VIRMA: variants seen among roughly 807,000 people sequenced by gnomAD.
The protein encoded by VIRMA is vir like m6A methyltransferase associated.
In VIRMA, 65 loss-of-function variants were observed where a neutral mutation model predicts 182.4. The ratio of observed to expected loss-of-function variants is 0.36; its 90% CI spans 0.29 to 0.44. The LOEUF is 0.44. VIRMA is among the 20% of genes least tolerant of loss of function. VIRMA has a pLI of 1.00. For synonymous variants in VIRMA, 709 were observed against 743.1 expected (o/e 0.95, Z 0.75); for missense variants, 1,752 against 2,158.1 (o/e 0.81, Z 3.73).
chr8:94,545,536 A>G (rs960742607), intron 1 of VIRMA, among the ~76,000 whole-genome samples: 4 of 152,220 alleles, frequency 2.6e-5, no homozygotes, highest in African/African-American at 9.6e-5. Flanking sequence ...AATGTCGACT[A>G]TGTTCCAAAG....
At position 94,526,418 on chromosome 8, in the gene VIRMA, A is replaced by T; in HGVS notation, c.1826T>A (p.Met609Lys). ...PEYENEVEAS[M>K]DMDLLESSNI... is the part of the protein sequence containing the mutation. The stretch of plus-strand genomic sequence containing the variant: ...TGAGGATTCCAAAAGATCCATATCC[A>T]TAGAAGCTTCCACCTCATTTTCATA... Residue 609 changes from methionine to lysine, a missense_variant, in exon 8 of 24, where the codon ATG (methionine) becomes AAG (lysine). Met to Lys is a moderately conservative substitution (Grantham distance 95, BLOSUM62 -1). Around this residue, in one of 11 missense-constraint regions of VIRMA, gnomAD observed 401 missense variants for 455.1 expected, o/e 0.88. Transcript: ENST00000297591. 6.2e-7 allele frequency: 1 copy of T among 1,613,910 alleles called. No individual in the cohort carries two copies. The highest frequency in any genetic ancestry group is 8.5e-7 in the Non-Finnish European group (1 of 1,179,956).
intron 17 of VIRMA, chr8:94,497,948 G>C (rs1813847750): frequency 6.6e-6 from 1 of 152,348 alleles, no homozygotes. Flanking sequence ...GGAAGTCAAG[G>C]CTGCAGTGAG....
At chr8:94,510,685 A>AT (rs1271874022) in intron 13 of VIRMA, 33 bp from the exon 14 acceptor site, 5 of 1,446,942 alleles carry the variant, frequency 3.5e-6, no homozygotes, top group Admixed American at 1.8e-5. Context: ...GTGTACGTAG[A>AT]TTTTTTAATA....
chr8:94,496,326 A>T lies in VIRMA; in HGVS notation c.4383+2T>A. Reference sequence around the variant, plus strand: ...AGAACGCTCTGTTTTTTTCTTTTTTACCAAAACAAGCTTCTCTAGTTCAAG... The same window carrying T: ...AGAACGCTCTGTTTTTTTCTTTTTTTCCAAAACAAGCTTCTCTAGTTCAAG... On this transcript the variant is annotated splice_donor_variant, in intron 18 of 23. Coordinates refer to ENST00000297591, the MANE Select transcript of VIRMA (RefSeq NM_015496.5). LOFTEE classifies it high-confidence loss of function. 2 of 1,604,002 alleles carry T rather than the reference A, an allele frequency of 1.2e-6. No homozygotes were observed. The highest frequency in any genetic ancestry group is 1.7e-6 in the Non-Finnish European group (2 of 1,177,508).
intron 4 of VIRMA, among the ~76,000 whole-genome samples, chr8:94,535,745 A>T (rs1354624064): frequency 6.6e-6 from 1 of 151,820 alleles, no homozygotes; most frequent in Non-Finnish European, 1.5e-5. Flanking sequence ...GCGCCACTGC[A>T]CACTCTAGCC....
chr8:94,526,886 A>G lies in VIRMA; in HGVS notation c.1358T>C (p.Val453Ala), dbSNP rs1488650756. 6.2e-7 allele frequency: 1 copy of G among 1,614,078 alleles called. No individual in the cohort carries two copies. The highest frequency in any genetic ancestry group is 8.5e-7 in the Non-Finnish European group (1 of 1,180,034). Residue 453 changes from valine to alanine, a missense_variant, in exon 8 of 24, where the codon GTT (valine) becomes GCT (alanine). This residue lies in a region of VIRMA where 401 missense variants were observed against 455.1 expected (regional missense o/e 0.88). Transcript: ENST00000297591. The part of the protein sequence containing the change: ...VALRQPIALN[V>A]RQLKAGTKLV... Reference sequence around the variant, plus strand: ...TTTGGTCCCAGCTTTGAGCTGTCGAACATTTAAGGCGATAGGTTGGCGAAG... The same window carrying G: ...TTTGGTCCCAGCTTTGAGCTGTCGAGCATTTAAGGCGATAGGTTGGCGAAG...
At chr8:94,531,120 A>G in intron 5 of VIRMA, 35 bp from the exon 6 acceptor site, 1 of 1,503,250 alleles carries the variant, frequency 6.7e-7, no homozygotes, top group Non-Finnish European at 8.9e-7. Flanking sequence ...AAGAACTTTC[A>G]AATTACAGAT....
intron 6 of VIRMA, among the ~76,000 whole-genome samples, 175 bp from the exon 7 acceptor site, chr8:94,529,517 C>T (rs529326750): frequency 1.3e-5 from 2 of 152,272 alleles, no homozygotes; most frequent in East Asian, 3.8e-4. Flanking sequence ...ACAACTTCTA[C>T]AGTGAGCAAT....
At position 94,519,561 on chromosome 8, in the gene VIRMA, T is replaced by A. The variant is rs1307588749; in HGVS notation, c.2022-85A>T. 4.5e-5 allele frequency: 63 copies of A among 1,385,274 alleles called. No homozygotes were observed. The Middle Eastern group carries it at 7.5e-4, about 16-fold the overall frequency. 85.8% of individuals were successfully genotyped at this position (1,385,274 alleles called of 1,614,324 possible). A position where few individuals can be genotyped will look rare whatever the true frequency, so the allele number is the denominator to read the frequency against. On this transcript the variant is annotated intron_variant, in intron 8 of 23. Coordinates refer to ENST00000297591, the MANE Select transcript of VIRMA (RefSeq NM_015496.5). ...TATTCAGACAAGACACTGATAAAAA[T>A]TTTTAATGACCATAATCCTTATCCT...
chr8:94,491,315 A>AG (rs1034398365), intron 22 of VIRMA, among the ~76,000 whole-genome samples: 1 of 88,230 alleles, frequency 1.1e-5, no homozygotes, highest in Admixed American at 1.8e-4. Context: ...CTCTTGTCTC[A>AG]AAAAAAAAAG....
Position 94,495,204 on chromosome 8 carries a change from A to T in VIRMA, c.4545-248T>A, listed in dbSNP as rs58577954. Reference sequence around the variant, plus strand: ...TTTTTTGTAGAGAGAGGGTCTCCCTATGTTGCCCAGGCTAGTCTCAAACTC... The same window carrying T: ...TTTTTTGTAGAGAGAGGGTCTCCCTTTGTTGCCCAGGCTAGTCTCAAACTC... On this transcript the variant is annotated intron_variant, in intron 19 of 23. Transcript: ENST00000297591. Among the ~76,000 whole-genome samples the T allele has an allele frequency of 6.1e-3, 931 of 152,166 alleles. 11 individuals are homozygous for T. Among genetic ancestry groups the T allele is most frequent in the African/African-American group, 0.022 (894 of 41,518 alleles).
chr8:94,510,149 G>C (rs1048029), intron 14 of VIRMA, among the ~76,000 whole-genome samples: 36,080 of 152,024 alleles, frequency 0.24, 5,338 homozygotes, highest in East Asian at 0.51. Flanking sequence ...TCTTAAATCA[G>C]AGTACTTCTT....
At chr8:94,495,497 C>T (rs1360122823) in intron 19 of VIRMA, among the ~76,000 whole-genome samples, 1 of 150,840 alleles carries the variant, frequency 6.6e-6, no homozygotes, top group Non-Finnish European at 1.5e-5. Flanking sequence ...AAACAATGCC[C>T]TGATTTTATC....
At chr8:94,505,784 G>A (rs569390857) in intron 16 of VIRMA, among the ~76,000 whole-genome samples, 3 of 152,200 alleles carry the variant, frequency 2.0e-5, no homozygotes, top group Admixed American at 2.0e-4. Context: ...GAGCCACCAT[G>A]CTCAGCTATT....
rs910217468 is a variant in VIRMA, at chr8:94,515,013, A to T, written c.2669-62T>A. ...GAAGGCTTTATAACAAAGAAAGTAA[A>T]TATTTTTTCCAAAGAAAATCATTAT... On this transcript the variant is annotated intron_variant, in intron 10 of 23. Coordinates refer to ENST00000297591, the MANE Select transcript of VIRMA (RefSeq NM_015496.5). The T allele has an allele frequency of 8.2e-6, 7 of 851,260 alleles. 1 individual carries two copies. In the African/African-American group the frequency reaches 8.6e-5, roughly 11 times the overall value. The allele number at this position is 851,260 out of a possible 1,614,324, so 52.7% of individuals were successfully genotyped here. A position where few individuals can be genotyped will look rare whatever the true frequency, so the allele number is the denominator to read the frequency against.
chr8:94,502,338 AAAAC>A (rs1191785425), intron 16 of VIRMA, among the ~76,000 whole-genome samples: 13 of 152,212 alleles, frequency 8.5e-5, no homozygotes, highest in African/African-American at 2.6e-4. Flanking sequence ...ACCCTATCTC[AAAAC>A]AAACAAACAG....
rs539058144 is a variant in VIRMA at position 94,548,712 on chromosome 8, G to GT, written c.63+4672dup. Among the ~76,000 whole-genome samples the GT allele has an allele frequency of 2.6e-4, 37 of 144,686 alleles. 1 individual carries two copies. The highest frequency in any genetic ancestry group is 1.7e-3 in the East Asian group (9 of 5,176). The allele number at this position is 144,686 out of a possible 152,430, so 94.9% of individuals were successfully genotyped here. On this transcript the variant is annotated intron_variant, in intron 1 of 23. Transcript: ENST00000297591. The stretch of plus-strand genomic sequence containing the variant: ...GCTCTGTCGCCCAGGCTGGAGTGCA[G>GT]TGGCACGATCTAGCCTCACTGCAAG...
At position 94,519,973 on chromosome 8, in the gene VIRMA, G is replaced by A. The variant is rs1241371772; in HGVS notation, c.2022-497C>T. On this transcript the variant is annotated intron_variant, in intron 8 of 23. Coordinates refer to ENST00000297591, the MANE Select transcript of VIRMA (RefSeq NM_015496.5). ...ACTTACAATCCCAAGCACTTTGGGA[G>A]GCCGAGGCAGGCAGATCACTTTAGG... 2.0e-5 allele frequency among the ~76,000 whole-genome samples: 3 copies of A among 152,058 alleles called. No homozygotes were observed. The East Asian group carries it at 5.8e-4, about 29-fold the overall frequency.
At chr8:94,521,818 C>T (rs1027388448) in intron 8 of VIRMA, among the ~76,000 whole-genome samples, 1 of 152,140 alleles carries the variant, frequency 6.6e-6, no homozygotes, top group African/African-American at 2.4e-5. Flanking sequence ...CAAACAGAAC[C>T]TTCAAGAAGA....
Sources: allele counts gnomAD v4.1 joint callset (sites outside exome capture counted in the v4.1 genomes callset), GRCh38; gene constraint gnomAD v4.1.1; regional missense constraint gnomAD v4.1.1; transcripts MANE v1.5; gene names NCBI Gene and HGNC (gene_info 2026-07-23, HGNC 2026-07-21).